Variants in PSPC1 observed in about 807,000 individuals in gnomAD.
The protein encoded by PSPC1 is paraspeckle protein 1.
In PSPC1, 14 loss-of-function variants were observed where a neutral mutation model predicts 51.6. The ratio of observed to expected loss-of-function variants is 0.27; its 90% CI spans 0.18 to 0.42. The LOEUF (loss-of-function observed/expected upper bound fraction) is 0.42, where lower values mean the gene tolerates loss of function less well. PSPC1 is among the 10% of genes least tolerant of loss of function. The pLI, the probability that PSPC1 is intolerant of heterozygous loss-of-function variation, is 1.00. For synonymous variants in PSPC1, 193 were observed against 231.9 expected (o/e 0.83, Z 1.53); for missense variants, 406 against 701.1 (o/e 0.58, Z 4.75).
intron 6 of PSPC1, among the ~76,000 whole-genome samples, chr13:19,729,859 T>C (rs1883833478): frequency 6.6e-6 from 1 of 152,198 alleles, no homozygotes; most frequent in Non-Finnish European, 1.5e-5. Flanking sequence ...CATATGTTTA[T>C]AAGTGTTCAC....
At chr13:19,767,996 T>C (rs968175287) in intron 2 of PSPC1, among the ~76,000 whole-genome samples, 3 of 151,834 alleles carry the variant, frequency 2.0e-5, no homozygotes, top group Non-Finnish European at 2.9e-5. Context: ...GACAGGAGGA[T>C]AGTTTAAGCT....
At chr13:19,689,914 T>C (rs943839199) in intron 6 of PSPC1, among the ~76,000 whole-genome samples, 3 of 152,126 alleles carry the variant, frequency 2.0e-5, no homozygotes, top group African/African-American at 7.2e-5. Context: ...AACAGTAATA[T>C]ATATGAGGTC....
chr13:19,731,327 T>C (rs1039331716), intron 5 of PSPC1, among the ~76,000 whole-genome samples: 4 of 152,238 alleles, frequency 2.6e-5, no homozygotes, highest in African/African-American at 7.2e-5. Context: ...AATTCAAATA[T>C]ACACAGGTTG....
intron 6 of PSPC1, among the ~76,000 whole-genome samples, chr13:19,685,319 C>T (rs1004088887): frequency 2.0e-5 from 3 of 152,184 alleles, no homozygotes; most frequent in African/African-American, 7.2e-5. Flanking sequence ...CATACTATTT[C>T]CCACTTTCAG....
chr13:19,755,248 A>T (rs1886956500), intron 3 of PSPC1, among the ~76,000 whole-genome samples: 1 of 151,422 alleles, frequency 6.6e-6, no homozygotes, highest in Admixed American at 6.6e-5. Context: ...AAAAAAAAAG[A>T]AAAGAAAAGA....
downstream of PSPC1, among the ~76,000 whole-genome samples, chr13:19,673,716 G>A (rs953861906): frequency 6.6e-6 from 1 of 152,198 alleles, no homozygotes; most frequent in Non-Finnish European, 1.5e-5. Context: ...TGTTTATCAG[G>A]AAGGCGGGGC....
intron 7 of PSPC1, among the ~76,000 whole-genome samples, chr13:19,709,158 CAAAAAAAAAA>C (rs11446310): frequency 1.2e-5 from 1 of 83,718 alleles, no homozygotes; most frequent in Non-Finnish European, 2.2e-5. Context: ...GGTCCTGCCT[CAAAAAAAAAA>C]AAAAAAAAAA....
chr13:19,737,895 AAGCAACAT>A (rs1357768603), intron 5 of PSPC1, among the ~76,000 whole-genome samples: 17 of 152,066 alleles, frequency 1.1e-4, no homozygotes, highest in Admixed American at 1.1e-3. Flanking sequence ...ATACCAGCCT[AAGCAACAT>A]AGCATAATCC....
intron 8 of PSPC1, among the ~76,000 whole-genome samples, chr13:19,704,509 T>C (rs1449716330): frequency 1.3e-5 from 2 of 152,302 alleles, no homozygotes; most frequent in Non-Finnish European, 2.9e-5. Flanking sequence ...AGTGCTTTCT[T>C]TCTTTCTTAG....
chr13:19,777,130 A>AAAG (rs1889230670), intron 1 of PSPC1, among the ~76,000 whole-genome samples: 1 of 145,830 alleles, frequency 6.9e-6, no homozygotes, highest in South Asian at 2.2e-4. Flanking sequence ...AAAAAAAAAA[A>AAAG]AAAAAAAGAG....
At chr13:19,691,225 A>G (rs564526578) in intron 6 of PSPC1, among the ~76,000 whole-genome samples, 14 of 152,344 alleles carry the variant, frequency 9.2e-5, no homozygotes, top group African/African-American at 3.4e-4. Flanking sequence ...AAGATGGGGA[A>G]AAAAAGTAGG....
At chr13:19,676,913 G>C (rs1348752795) in intron 7 of PSPC1, among the ~76,000 whole-genome samples, 1 of 152,146 alleles carries the variant, frequency 6.6e-6, no homozygotes, top group Non-Finnish European at 1.5e-5. Context: ...AAAAAGCAGA[G>C]GAGGAGGAAT....
Position 19,675,899 on chromosome 13 carries a change from A to G in PSPC1, c.*77-915T>C. 2 of 152,212 alleles carry G rather than the reference A, an allele frequency of 1.3e-5. 1 individual carries two copies. The highest frequency in any genetic ancestry group is 6.3e-3 in the Middle Eastern group (2 of 316). The allele number at this position is 152,212 out of a possible 1,614,324, so 9.4% of individuals were successfully genotyped here. On this transcript the variant is annotated intron_variant and NMD_transcript_variant, in intron 7 of 7. Transcript: ENST00000471658. ...CAAGAATTAAATATTTGGCCTTTTA[A>G]TAATTTTACTTTCTTTACATGTTTC...
chr13:19,711,574 G>A (rs921154936), intron 6 of PSPC1, among the ~76,000 whole-genome samples: 3 of 148,228 alleles, frequency 2.0e-5, no homozygotes, highest in African/African-American at 7.4e-5. Context: ...GGAGGCAGAG[G>A]TTGCAGTGAG....
chr13:19,736,430 T>C (rs1344263440), intron 5 of PSPC1, among the ~76,000 whole-genome samples: 12 of 152,022 alleles, frequency 7.9e-5, no homozygotes, highest in Non-Finnish European at 4.4e-5. Context: ...AAGCCTGTAA[T>C]CCCAGCACTT....
intron 6 of PSPC1, among the ~76,000 whole-genome samples, chr13:19,718,075 G>GA (rs1882338014): frequency 1.3e-5 from 2 of 151,776 alleles, no homozygotes; most frequent in African/African-American, 2.4e-5. Context: ...AAATGAAAAG[G>GA]AAAAAAATAT....
chr13:19,776,335 G>A (rs894571239), intron 1 of PSPC1, among the ~76,000 whole-genome samples: 1 of 152,038 alleles, frequency 6.6e-6, no homozygotes, highest in Non-Finnish European at 1.5e-5. Flanking sequence ...GTGTGGTGGT[G>A]TGTGCCTGCG....
chr13:19,689,900 A>G (rs1394237689), intron 6 of PSPC1, among the ~76,000 whole-genome samples: 3 of 152,220 alleles, frequency 2.0e-5, no homozygotes, highest in Non-Finnish European at 4.4e-5. Context: ...AACCCATCCA[A>G]CTGAACAGTA....
intron 6 of PSPC1, among the ~76,000 whole-genome samples, chr13:19,690,125 T>G (rs1878378589): frequency 6.6e-6 from 1 of 152,240 alleles, no homozygotes; most frequent in Non-Finnish European, 1.5e-5. Context: ...TCAATCTATG[T>G]CAGTACAATA....
Sources: gnomAD v4.1 joint callset for allele counts (sites outside exome capture counted in the v4.1 genomes callset) on GRCh38, gnomAD v4.1.1 for gene constraint, MANE v1.5 for transcripts, NCBI Gene and HGNC (gene_info 2026-07-23, HGNC 2026-07-21) for gene names.